FBXO28: variants seen among roughly 807,000 people sequenced by gnomAD.
FBXO28 encodes the protein F-box only protein 28.
FBXO28 carries 8 observed loss-of-function variants against 38.1 expected under a neutral mutation model. The ratio of observed to expected loss-of-function variants is 0.21; its 90% CI spans 0.12 to 0.38. The LOEUF (loss-of-function observed/expected upper bound fraction) is 0.38, where lower values mean the gene tolerates loss of function less well. Among genes scored for constraint, FBXO28 ranks in the 10% least tolerant of loss-of-function variants. The probability of loss-of-function intolerance (pLI) is 1.00; values close to 1 mark genes in which losing one functional copy is unlikely to be tolerated. For synonymous variants in FBXO28, 168 were observed against 173.8 expected (o/e 0.97, Z 0.26); for missense variants, 345 against 460.6 (o/e 0.75, Z 2.30).
chr1:224,139,075 G>A (rs537014240), intron 3 of FBXO28, among the ~76,000 whole-genome samples: 44 of 151,798 alleles, frequency 2.9e-4, no homozygotes, highest in African/African-American at 5.8e-4. Flanking sequence ...GAGCCACTGC[G>A]CCCAGCCCAG....
At chr1:224,145,009 C>T (rs371178573) in intron 3 of FBXO28, among the ~76,000 whole-genome samples, 3 of 151,532 alleles carry the variant, frequency 2.0e-5, no homozygotes, top group African/African-American at 2.4e-5. Context: ...GGGCCGGGCG[C>T]GGTGGCTCAC....
At chr1:224,149,854 G>A (rs368543419) in intron 3 of FBXO28, among the ~76,000 whole-genome samples, 5 of 152,148 alleles carry the variant, frequency 3.3e-5, no homozygotes, top group Non-Finnish European at 7.3e-5. Context: ...CTGTGACCTC[G>A]TGTATAACTA....
At position 224,159,166 on chromosome 1, in the gene FBXO28, G is replaced by A. The variant is rs1271381674; in HGVS notation, c.*1420G>A. The A allele has an allele frequency of 6.6e-6, 1 of 151,944 alleles. No homozygotes were observed. Among genetic ancestry groups the A allele is most frequent in the Middle Eastern group, 3.2e-3 (1 of 316 alleles). The allele number at this position is 151,944 out of a possible 1,614,324, so 9.4% of individuals were successfully genotyped here. On this transcript the variant is annotated 3_prime_UTR_variant, in exon 5 of 5. Coordinates refer to ENST00000366862, the MANE Select transcript of FBXO28 (RefSeq NM_015176.4). ...TTCTTTTAAACAACTGTTTCCTTGG[G>A]CTTCAGTTATTTAAAGTAAATTTAG...
intron 3 of FBXO28, among the ~76,000 whole-genome samples, chr1:224,136,433 A>G (rs1177086881): frequency 1.3e-5 from 2 of 151,988 alleles, no homozygotes; most frequent in East Asian, 3.9e-4. Flanking sequence ...GGATGTACTT[A>G]AAAGTTTAGG....
intron 3 of FBXO28, among the ~76,000 whole-genome samples, chr1:224,149,770 G>A (rs2102632570): frequency 6.6e-6 from 1 of 152,288 alleles, no homozygotes; most frequent in East Asian, 1.9e-4. Context: ...GGGAATAAAG[G>A]GTTGGATGAA....
At chr1:224,153,062 A>G (rs1657684906) in intron 3 of FBXO28, 80 bp from the exon 4 acceptor site, 4 of 1,119,530 alleles carry the variant, frequency 3.6e-6, no homozygotes, top group Non-Finnish European at 5.1e-6. Context: ...CAAAACAAGC[A>G]GTTACTTCTC....
At chr1:224,131,282 C>G (rs888663845) in intron 2 of FBXO28, among the ~76,000 whole-genome samples, 1 of 150,806 alleles carries the variant, frequency 6.6e-6, no homozygotes, top group African/African-American at 2.4e-5. Flanking sequence ...GTCAAAAATT[C>G]AGCTGTCTTT....
chr1:224,121,464 C>T (rs1338412176), intron 1 of FBXO28, among the ~76,000 whole-genome samples: 1 of 152,134 alleles, frequency 6.6e-6, no homozygotes, highest in Non-Finnish European at 1.5e-5. Context: ...ATATTCACAA[C>T]ACACACAATA....
chr1:224,127,174 GTGTGTGTGTA>G (rs748746042), intron 1 of FBXO28, among the ~76,000 whole-genome samples: 1,691 of 52,930 alleles, frequency 0.032, 18 homozygotes, highest in South Asian at 0.045. Flanking sequence ...TTGTGTGTGT[GTGTGTGTGTA>G]TGTGTGTGTG....
chr1:224,115,136 T>C (rs1475612131), intron 1 of FBXO28, among the ~76,000 whole-genome samples: 2 of 152,196 alleles, frequency 1.3e-5, no homozygotes, highest in Non-Finnish European at 2.9e-5. Flanking sequence ...CCACCTGCTT[T>C]AGGAGAGGTT....
rs1026704350 is a variant in FBXO28 at position 224,161,971 on chromosome 1, C to T, written c.*4225C>T. 2 of 152,046 alleles carry T rather than the reference C, an allele frequency of 1.3e-5. No homozygotes were observed. Among genetic ancestry groups the T allele is most frequent in the African/African-American group, 2.4e-5 (1 of 41,404 alleles). The allele number at this position is 152,046 out of a possible 1,614,324, so 9.4% of individuals were successfully genotyped here. A position where few individuals can be genotyped will look rare whatever the true frequency, so the allele number is the denominator to read the frequency against. On this transcript the variant is annotated 3_prime_UTR_variant, in exon 5 of 5. Coordinates refer to ENST00000366862, the MANE Select transcript of FBXO28 (RefSeq NM_015176.4). ...CTTCTGGAATTTTAATTGTTATAAC[C>T]GAATCAATTATTGGAAAGTGAAAAA...
intron 4 of FBXO28, among the ~76,000 whole-genome samples, chr1:224,154,984 A>AG (rs1396536701): frequency 1.1e-4 from 17 of 151,952 alleles, no homozygotes; most frequent in African/African-American, 3.9e-4. Context: ...TCTCAAAAAA[A>AG]AAAAAAAATC....
intron 1 of FBXO28, among the ~76,000 whole-genome samples, chr1:224,127,872 A>T (rs1205960744): frequency 6.6e-6 from 1 of 152,238 alleles, no homozygotes; most frequent in Non-Finnish European, 1.5e-5. Flanking sequence ...ACGCCACTGC[A>T]CTTCAACCTG....
chr1:224,115,756 A>G (rs539561527), intron 1 of FBXO28, among the ~76,000 whole-genome samples: 1 of 152,350 alleles, frequency 6.6e-6, no homozygotes, highest in Admixed American at 6.5e-5. Context: ...CGCGCTGTAC[A>G]TATACAGTGT....
intron 1 of FBXO28, among the ~76,000 whole-genome samples, chr1:224,124,680 G>A (rs1656863883): frequency 6.6e-6 from 1 of 152,156 alleles, no homozygotes; most frequent in Non-Finnish European, 1.5e-5. Context: ...TTTTCCAGAT[G>A]TGACTTCTTT....
chr1:224,154,397 G>A (rs760987906), intron 4 of FBXO28, among the ~76,000 whole-genome samples: 10 of 152,226 alleles, frequency 6.6e-5, no homozygotes, highest in African/African-American at 1.4e-4. Flanking sequence ...TTGGCTGGGC[G>A]CGGTGGCTCA....
intron 3 of FBXO28, among the ~76,000 whole-genome samples, chr1:224,137,070 T>C (rs73124458): frequency 0.039 from 5,965 of 151,818 alleles, 482 homozygotes; most frequent in African/African-American, 0.13. Flanking sequence ...TTTTATACTT[T>C]GTTAAGAAAA....
chr1:224,123,442 CAAAAA>C (rs10647785), intron 1 of FBXO28, among the ~76,000 whole-genome samples: 25 of 64,298 alleles, frequency 3.9e-4, no homozygotes, highest in African/African-American at 1.3e-3. Context: ...GACCCTGTCT[CAAAAA>C]AAAAAAAAAA....
Position 224,157,647 on chromosome 1 carries a change from A to G in FBXO28, c.1008A>G (p.Ser336=), listed in dbSNP as rs372247127. 7 of 1,614,132 alleles carry G rather than the reference A, an allele frequency of 4.3e-6. No individual in the cohort carries two copies. The highest frequency in any genetic ancestry group is 4.0e-5 in the African/African-American group (3 of 74,940). ...TGGAAAGTGCTGTAGGAAATTCCTC[A>G]GGGTCCGGGCAGAATGAGGAGTCTC... ...EVMESAVGNS[S]GSGQNEESPR... The change falls in exon 5 of 5, where the codon TCA becomes TCG. Residue 336 remains serine, a synonymous_variant. Transcript: ENST00000366862.
Sources: gnomAD v4.1 joint callset for allele counts (sites outside exome capture counted in the v4.1 genomes callset) on GRCh38, gnomAD v4.1.1 for gene constraint, MANE v1.5 for transcripts, NCBI Gene and HGNC (gene_info 2026-07-23, HGNC 2026-07-21) for gene names.